The following CAPN5 variants were observed in gnomAD, a reference collection of about 807,000 sequenced individuals.
The protein encoded by CAPN5 is calpain-5.
In CAPN5, 54 loss-of-function variants were observed where a neutral mutation model predicts 73.0. The ratio of observed to expected loss-of-function variants is 0.74; its 90% CI spans 0.59 to 0.93. The LOEUF is 0.93. CAPN5 is among the 40% of genes least tolerant of loss of function. CAPN5 has a pLI of 0.00. For synonymous variants in CAPN5, 335 were observed against 356.9 expected, an observed-to-expected ratio of 0.94 and a Z score of 0.69; for missense variants, 785 against 882.9, an observed-to-expected ratio of 0.89 and a Z score of 1.41.
chr11:77,104,442 G>A lies in CAPN5; in HGVS notation c.298-8147G>A, dbSNP rs897191385. Among the ~76,000 whole-genome samples the A allele has an allele frequency of 3.3e-5, 5 of 152,196 alleles. No homozygotes were observed. In the East Asian group the frequency reaches 5.8e-4, roughly 18 times the overall value. On this transcript the variant is annotated intron_variant, in intron 3 of 12. Coordinates refer to ENST00000648180, the MANE Select transcript of CAPN5 (RefSeq NM_004055.5). ...GGGCGAAGGCGTGGTGGGCAGTTAC[G>A]ACGGCTGATAGTCCCAAGTGGGCTG...
intron 3 of CAPN5, among the ~76,000 whole-genome samples, chr11:77,099,708 GGGGAGA>G (rs1478223401): frequency 2.7e-5 from 4 of 147,756 alleles, no homozygotes; most frequent in Non-Finnish European, 6.0e-5. Flanking sequence ...GGGAGACCGT[GGGGAGA>G]GGGAGAGGGA....
chr11:77,078,639 G>C (rs1355047865), intron 1 of CAPN5, among the ~76,000 whole-genome samples: 1 of 152,142 alleles, frequency 6.6e-6, no homozygotes, highest in Non-Finnish European at 1.5e-5. Context: ...GATTGAATCT[G>C]TAGATTGTTT....
intron 1 of CAPN5, chr11:77,071,766 T>C (rs903518380): frequency 1.2e-5 from 5 of 405,948 alleles, no homozygotes; most frequent in Non-Finnish European, 2.6e-5. Flanking sequence ...GGCGCTGGCA[T>C]TCTGGGTTGC....
chr11:77,086,149 T>C (rs569623945), intron 2 of CAPN5, among the ~76,000 whole-genome samples: 2 of 152,168 alleles, frequency 1.3e-5, no homozygotes, highest in East Asian at 3.9e-4. Flanking sequence ...GCTCTGTGAG[T>C]AGTGAGGTCC....
In CAPN5 at chr11:77,075,425, G is replaced by A. The variant is rs943769993; in HGVS notation, c.-36+8331G>A. On this transcript the variant is annotated intron_variant, in intron 1 of 12. Transcript: ENST00000648180. Reference sequence around the variant, plus strand: ...AGTGTCAAGTCCGCAAGCGTCCTGAGAGCTAGAGGAGGAGGCTGGGACCAG... The same window carrying A: ...AGTGTCAAGTCCGCAAGCGTCCTGAAAGCTAGAGGAGGAGGCTGGGACCAG... 2.6e-5 allele frequency among the ~76,000 whole-genome samples: 4 copies of A among 152,230 alleles called. No homozygotes were observed. The South Asian group carries it at 8.3e-4, about 32-fold the overall frequency.
At position 77,111,818 on chromosome 11, in the gene CAPN5, G is replaced by C. The variant is rs556703201; in HGVS notation, c.298-771G>C. On this transcript the variant is annotated intron_variant, in intron 3 of 12. Transcript: ENST00000648180. ...TGCCAAGGGCCATGAGACTGAGATA[G>C]GGGTCCTGGCCTAATCTGAATAGTC... 1.3e-4 allele frequency among the ~76,000 whole-genome samples: 20 copies of C among 152,308 alleles called. No homozygotes were observed. In the South Asian group the frequency reaches 4.1e-3, roughly 32 times the overall value.
chr11:77,093,419 C>G (rs2135435094), intron 2 of CAPN5, among the ~76,000 whole-genome samples: 1 of 152,310 alleles, frequency 6.6e-6, no homozygotes, highest in East Asian at 1.9e-4. Flanking sequence ...ACAGGTTCTT[C>G]ATCAGCAAAC....
rs1267442256 is a variant in CAPN5, at chr11:77,126,035, G to T, written c.*2165G>T. ...GGGGCCTGGGAGTCCCCATTTGCAG[G>T]TGGGTAGGGCCTCCAGCCCACACCA... On this transcript the variant is annotated 3_prime_UTR_variant, in exon 13 of 13. Coordinates refer to ENST00000648180, the MANE Select transcript of CAPN5 (RefSeq NM_004055.5). 6.6e-6 allele frequency: 1 copy of T among 152,208 alleles called. No homozygotes were observed. The highest frequency in any genetic ancestry group is 2.4e-5 in the African/African-American group (1 of 41,422). The allele number at this position is 152,208 out of a possible 1,614,324, so 9.4% of individuals were successfully genotyped here.
intron 1 of CAPN5, 107 bp downstream of exon 1, chr11:77,067,201 G>C (rs564087349): frequency 3.7e-4 from 56 of 151,018 alleles, no homozygotes; most frequent in Middle Eastern, 3.4e-3. Context: ...CCGGGACCAC[G>C]AATCAGTGGA....
rs1950180557 is a variant in CAPN5, at chr11:77,093,879, C to T, written c.297+66C>T. 2.5e-6 allele frequency: 4 copies of T among 1,574,148 alleles called. No individual in the cohort carries two copies. In the African/African-American group the frequency reaches 5.4e-5, roughly 21 times the overall value. On this transcript the variant is annotated intron_variant, in intron 3 of 12. Coordinates refer to ENST00000648180, the MANE Select transcript of CAPN5 (RefSeq NM_004055.5). ...GAACGCAGCCTGTGGCCCTCACTGC[C>T]AGACAGGCGGAACCTGATTGTGGCA...
chr11:77,110,752 C>T (rs1412077397), intron 3 of CAPN5, among the ~76,000 whole-genome samples: 1 of 152,222 alleles, frequency 6.6e-6, no homozygotes, highest in Non-Finnish European at 1.5e-5. Context: ...CATTAGGGAG[C>T]ATTTCCCTTT....
intron 2 of CAPN5, among the ~76,000 whole-genome samples, chr11:77,085,830 G>A (rs1950079938): frequency 6.6e-6 from 1 of 152,152 alleles, no homozygotes; most frequent in South Asian, 2.1e-4. Context: ...GTGGAGGGGA[G>A]GCTGCAGGAG....
In CAPN5 at chr11:77,126,014, C is replaced by G. The variant is rs1555043829; in HGVS notation, c.*2144C>G. ...TGTTCACTGTATGCACCCGCGGGGG[C>G]CTGGGAGTCCCCATTTGCAGGTGGG... On this transcript the variant is annotated 3_prime_UTR_variant, in exon 13 of 13. Coordinates refer to ENST00000648180, the MANE Select transcript of CAPN5 (RefSeq NM_004055.5). 6.6e-6 allele frequency: 1 copy of G among 152,210 alleles called. No homozygotes were observed. Among genetic ancestry groups the G allele is most frequent in the African/African-American group, 2.4e-5 (1 of 41,438 alleles). 9.4% of individuals were successfully genotyped at this position (152,210 alleles called of 1,614,324 possible). A position where few individuals can be genotyped will look rare whatever the true frequency, so the allele number is the denominator to read the frequency against.
At chr11:77,083,100 G>A (rs1435951691) in intron 1 of CAPN5, among the ~76,000 whole-genome samples, 1 of 152,184 alleles carries the variant, frequency 6.6e-6, no homozygotes, top group Non-Finnish European at 1.5e-5. Context: ...AGGGCTGCTG[G>A]CCTCCGTGGG....
chr11:77,074,723 G>A (rs1949949750), intron 1 of CAPN5, among the ~76,000 whole-genome samples: 1 of 152,218 alleles, frequency 6.6e-6, no homozygotes, highest in South Asian at 2.1e-4. Context: ...GGCAGGGAAT[G>A]GGTGAGGGTG....
intron 3 of CAPN5, among the ~76,000 whole-genome samples, chr11:77,096,199 G>A (rs1950207021): frequency 6.6e-6 from 1 of 152,048 alleles, no homozygotes. Context: ...TCACACTTGG[G>A]GATTCTGAGC....
chr11:77,114,191 C>A (rs782200768), intron 4 of CAPN5, 51 bp from the exon 5 acceptor site: 2 of 1,561,950 alleles, frequency 1.3e-6, no homozygotes, highest in Non-Finnish European at 1.8e-6. Context: ...GTAAAGGATG[C>A]AGCCTGGCTG....
chr11:77,096,253 A>C (rs1950207530), intron 3 of CAPN5, among the ~76,000 whole-genome samples: 1 of 151,978 alleles, frequency 6.6e-6, no homozygotes, highest in African/African-American at 2.4e-5. Flanking sequence ...CACGCCCCCA[A>C]CACACACGCC....
At position 77,124,938 on chromosome 11, in the gene CAPN5, C is replaced by T. The variant is rs142549550; in HGVS notation, c.*1068C>T. On this transcript the variant is annotated 3_prime_UTR_variant, in exon 13 of 13. Coordinates refer to ENST00000648180, the MANE Select transcript of CAPN5 (RefSeq NM_004055.5). ...CCTAGGAGGCCGCAGTGCTCTTCTT[C>T]CTGCCCAGACCAAAATGTTCCTTTT... is the stretch of plus-strand genomic sequence containing the variant. 88 of 154,802 alleles carry T rather than the reference C, an allele frequency of 5.7e-4. No individual in the cohort carries two copies. Among genetic ancestry groups the T allele is most frequent in the Non-Finnish European group, 7.3e-5 (5 of 68,632 alleles). 9.6% of individuals were successfully genotyped at this position (154,802 alleles called of 1,614,324 possible). A position where few individuals can be genotyped will look rare whatever the true frequency, so the allele number is the denominator to read the frequency against.
Sources: gnomAD v4.1 joint callset for allele counts (sites outside exome capture counted in the v4.1 genomes callset) on GRCh38, gnomAD v4.1.1 for gene constraint, MANE v1.5 for transcripts, NCBI Gene and HGNC (gene_info 2026-07-23, HGNC 2026-07-21) for gene names.